TENM2: variants seen among roughly 807,000 people sequenced by gnomAD.
TENM2 encodes teneurin transmembrane protein 2.
In TENM2, 52 loss-of-function variants were observed where a neutral mutation model predicts 245.2. The observed-to-expected ratio is 0.21, with a 90% CI of 0.17 to 0.27. The LOEUF (loss-of-function observed/expected upper bound fraction) is 0.27, where lower values mean the gene tolerates loss of function less well. Ranked by LOEUF, TENM2 falls within the 10% of genes least tolerant of loss-of-function variation. The pLI is 1.00. For synonymous variants in TENM2, 1,363 were observed against 1,438.9 expected (o/e 0.95, Z 1.19); for missense variants, 3,046 against 3,666.8 (o/e 0.83, Z 4.37).
intron 2 of TENM2, among the ~76,000 whole-genome samples, chr5:167,385,007 A>T (rs1219502752): frequency 6.6e-6 from 1 of 152,200 alleles, no homozygotes; most frequent in Non-Finnish European, 1.5e-5. Context: ...TTACAGTGCA[A>T]TCTATTCTGC....
chr5:168,037,277 C>T (rs1277679325), intron 5 of TENM2, among the ~76,000 whole-genome samples: 1 of 152,166 alleles, frequency 6.6e-6, no homozygotes, highest in Non-Finnish European at 1.5e-5. Context: ...CTTTGCTGAA[C>T]AAATGACCAA....
chr5:167,208,013 C>T, the TENM2 span, among the ~76,000 whole-genome samples: 1 of 152,236 alleles, frequency 6.6e-6, no homozygotes, highest in Admixed American at 6.5e-5. Context: ...CTCAGCCTCC[C>T]AAAGTGCTGG....
chr5:167,235,678 C>A, the TENM2 span, among the ~76,000 whole-genome samples: 1 of 148,004 alleles, frequency 6.8e-6, no homozygotes, highest in African/African-American at 2.6e-5. Context: ...GCTGCCAATT[C>A]TCTAAACTAC....
chr5:167,453,396 ATTGT>A lies in TENM2; in HGVS notation c.502+77927_502+77930del, dbSNP rs1554157910. On this transcript the variant is annotated intron_variant, in intron 2 of 28. Coordinates refer to ENST00000518659, the Ensembl canonical transcript of TENM2. ...AAATGGTTAAGCATGCCCAGTCACTATTGTTTGAGTAAAAAAGACTTACTTGTCC... is the reference window on the plus strand; with the variant it reads ...AAATGGTTAAGCATGCCCAGTCACTATTGAGTAAAAAAGACTTACTTGTCC... Among the ~76,000 whole-genome samples, 14 of 152,068 alleles carry A rather than the reference ATTGT, an allele frequency of 9.2e-5. 1 individual carries two copies. The highest frequency in any genetic ancestry group is 2.1e-4 in the Non-Finnish European group (14 of 68,006).
chr5:167,358,676 A>G (rs902397654), intron 1 of TENM2, among the ~76,000 whole-genome samples: 3 of 151,596 alleles, frequency 2.0e-5, no homozygotes, highest in East Asian at 1.9e-4. Context: ...GTACATGGCA[A>G]TGACTCCCAA....
intron 2 of TENM2, among the ~76,000 whole-genome samples, chr5:167,432,710 C>T (rs1250021264): frequency 6.6e-6 from 1 of 152,006 alleles, no homozygotes; most frequent in Admixed American, 6.6e-5. Context: ...AACATTTTTT[C>T]CTTTCTATTC....
intron 25 of TENM2, among the ~76,000 whole-genome samples, chr5:168,236,965 TATATATA>T (rs1765514423): frequency 1.6e-4 from 1 of 6,276 alleles, no homozygotes; most frequent in African/African-American, 9.2e-4. Context: ...TATATATATA[TATATATA>T]TATATATATA....
intron 2 of TENM2, among the ~76,000 whole-genome samples, chr5:167,606,239 G>T (rs1198617766): frequency 6.6e-6 from 1 of 152,138 alleles, no homozygotes; most frequent in East Asian, 1.9e-4. Context: ...TATAACAAAA[G>T]ATCATAGACT....
chr5:167,998,626 C>CA (rs1419304161), intron 5 of TENM2, among the ~76,000 whole-genome samples: 1 of 152,138 alleles, frequency 6.6e-6, no homozygotes, highest in Non-Finnish European at 1.5e-5. Context: ...AAGATAAGAG[C>CA]ATTTATGTCA....
chr5:167,073,780 T>C, the TENM2 span, among the ~76,000 whole-genome samples: 1 of 152,190 alleles, frequency 6.6e-6, no homozygotes, highest in South Asian at 2.1e-4. Context: ...ATGGAAAAAC[T>C]TGGCCCTCTT....
chr5:168,153,330 C>T (rs561276781), intron 12 of TENM2, among the ~76,000 whole-genome samples: 1 of 152,258 alleles, frequency 6.6e-6, no homozygotes, highest in South Asian at 2.1e-4. Flanking sequence ...TTTGAAAGTG[C>T]GGCCCAGTTA....
intron 2 of TENM2, among the ~76,000 whole-genome samples, chr5:167,377,279 C>G (rs1316151530): frequency 2.6e-5 from 4 of 152,010 alleles, no homozygotes; most frequent in Non-Finnish European, 5.9e-5. Flanking sequence ...CTATGTAAAT[C>G]CCTGCATACT....
At chr5:167,612,138 G>T (rs1268646915) in intron 2 of TENM2, among the ~76,000 whole-genome samples, 3 of 152,056 alleles carry the variant, frequency 2.0e-5, no homozygotes, top group Non-Finnish European at 4.4e-5. Context: ...ATTCGAATCG[G>T]AGTTCCAGTG....
chr5:167,642,636 A>G (rs922793143), intron 2 of TENM2, among the ~76,000 whole-genome samples: 6 of 152,236 alleles, frequency 3.9e-5, no homozygotes, highest in Non-Finnish European at 7.3e-5. Flanking sequence ...GTATAATACA[A>G]GCATCATAGC....
At chr5:167,655,702 A>G (rs1754795583) in intron 2 of TENM2, among the ~76,000 whole-genome samples, 1 of 152,218 alleles carries the variant, frequency 6.6e-6, no homozygotes, top group South Asian at 2.1e-4. Flanking sequence ...GTCTTTCTGT[A>G]TGTTAATTCA....
rs529461813 is a variant in TENM2 at position 167,746,593 on chromosome 5, A to G, written c.503-129393A>G. Among the ~76,000 whole-genome samples, 75 of 151,934 alleles carry G rather than the reference A, an allele frequency of 4.9e-4. 1 individual carries two copies. Among genetic ancestry groups the G allele is most frequent in the African/African-American group, 1.8e-3 (75 of 41,486 alleles). The stretch of plus-strand genomic sequence containing the variant: ...TTCAATTATTTAAGAATCTGTGCCA[A>G]GACTTAAGCCACTCACGACTTGTGT... On this transcript the variant is annotated intron_variant, in intron 2 of 28. Transcript: ENST00000518659.
At chr5:168,041,326 G>A (rs1419900206) in intron 5 of TENM2, among the ~76,000 whole-genome samples, 2 of 152,098 alleles carry the variant, frequency 1.3e-5, no homozygotes, top group East Asian at 3.9e-4. Flanking sequence ...AGGGGAAAAA[G>A]TAAACGTTCA....
chr5:167,056,852 G>A, the TENM2 span, among the ~76,000 whole-genome samples: 6 of 151,030 alleles, frequency 4.0e-5, no homozygotes, highest in Non-Finnish European at 5.9e-5. Flanking sequence ...CAAGCTTCCT[G>A]GGTCTGTGGT....
intron 2 of TENM2, among the ~76,000 whole-genome samples, chr5:167,411,573 A>AGAGAGTGTGT (rs752919344): frequency 4.8e-5 from 7 of 145,046 alleles, no homozygotes; most frequent in African/African-American, 1.5e-4. Flanking sequence ...TGTAGGTGAG[A>AGAGAGTGTGT]GTGTGTGTGT....
Sources: allele counts gnomAD v4.1 joint callset (sites outside exome capture counted in the v4.1 genomes callset), GRCh38; gene constraint gnomAD v4.1.1; transcripts MANE v1.5; gene names NCBI Gene and HGNC (gene_info 2026-07-23, HGNC 2026-07-21).